The following CACNA2D2 variants were observed in gnomAD, a reference collection of about 807,000 sequenced individuals.
CACNA2D2 encodes voltage-dependent calcium channel subunit alpha-2/delta-2.
Under a neutral mutation model 166.4 loss-of-function variants are expected in CACNA2D2, and 48 were observed. The observed-to-expected ratio is 0.29, with a 90% CI of 0.23 to 0.37. The LOEUF (loss-of-function observed/expected upper bound fraction) is 0.37, where lower values mean the gene tolerates loss of function less well. CACNA2D2 is among the 10% of genes least tolerant of loss of function. The pLI is 1.00. For synonymous variants in CACNA2D2, 561 were observed against 573.7 expected, an observed-to-expected ratio of 0.98 and a Z score of 0.32; for missense variants, 1,122 against 1,433.0, an observed-to-expected ratio of 0.78 and a Z score of 3.50.
intron 2 of CACNA2D2, among the ~76,000 whole-genome samples, chr3:50,454,431 C>G (rs1193180851): frequency 1.3e-5 from 2 of 152,220 alleles, no homozygotes; most frequent in Admixed American, 6.5e-5. Flanking sequence ...CCAGCCACCC[C>G]CAACCTGGCC....
Position 50,379,691 on chromosome 3 carries a change from C to A in CACNA2D2, c.993+34G>T. ...CACAGGAGCAGGGCAGATGGGGTGA[C>A]CCATTTCACCCCGTCTGCCACCTTG... On this transcript the variant is annotated intron_variant, in intron 10 of 37. Coordinates refer to ENST00000424201, the MANE Select transcript of CACNA2D2 (RefSeq NM_006030.4). This position sits in a 1 kb window ranked among gnomAD's most constrained non-coding sequence, Gnocchi z 6.5. The A allele has an allele frequency of 6.2e-7, 1 of 1,608,888 alleles. No individual in the cohort carries two copies. Among genetic ancestry groups the A allele is most frequent in the Non-Finnish European group, 8.5e-7 (1 of 1,175,726 alleles).
intron 2 of CACNA2D2, among the ~76,000 whole-genome samples, chr3:50,438,559 C>G (rs1003768087): frequency 3.9e-5 from 6 of 152,176 alleles, no homozygotes; most frequent in Admixed American, 2.6e-4. Context: ...GGACAGGAAG[C>G]CTGCATGCTG....
intron 1 of CACNA2D2, among the ~76,000 whole-genome samples, chr3:50,479,685 G>C (rs1459675224): frequency 6.6e-6 from 1 of 151,480 alleles, no homozygotes; most frequent in Non-Finnish European, 1.5e-5. Flanking sequence ...AGAAGGGAGG[G>C]GGCCTTGGAA....
chr3:50,449,446 C>T (rs1380026335), intron 2 of CACNA2D2, among the ~76,000 whole-genome samples: 15 of 152,202 alleles, frequency 9.9e-5, no homozygotes, highest in Admixed American at 9.8e-4. Flanking sequence ...CCATAGCACT[C>T]CTTAGGCTCA....
chr3:50,399,834 C>T (rs1263483528), intron 3 of CACNA2D2, among the ~76,000 whole-genome samples: 1 of 152,174 alleles, frequency 6.6e-6, no homozygotes, highest in East Asian at 1.9e-4. Flanking sequence ...GTCCCTCCTG[C>T]CACCCCTTAG....
At position 50,379,308 on chromosome 3, in the gene CACNA2D2, A is replaced by T. The variant is rs587768695; in HGVS notation, c.1153-109T>A. 6 of 1,441,654 alleles carry T rather than the reference A, an allele frequency of 4.2e-6. No homozygotes were observed. In the East Asian group the frequency reaches 1.4e-4, roughly 34 times the overall value. 89.3% of individuals were successfully genotyped at this position (1,441,654 alleles called of 1,614,324 possible). A position where few individuals can be genotyped will look rare whatever the true frequency, so the allele number is the denominator to read the frequency against. The stretch of plus-strand genomic sequence containing the variant: ...CTCTGGCCCTCCTCCCCCACAGCAG[A>T]TGGAGCTATCTGTCCAAGCTGCCTG... On this transcript the variant is annotated intron_variant, in intron 11 of 37. Transcript: ENST00000424201. The surrounding 1 kb of genome is among the most constrained non-coding windows in gnomAD (Gnocchi z 6.5).
intron 2 of CACNA2D2, among the ~76,000 whole-genome samples, chr3:50,463,415 C>T: frequency 6.6e-6 from 1 of 152,194 alleles, no homozygotes. Flanking sequence ...CCTTCCACCT[C>T]AGCCTCCCCA....
chr3:50,396,385 C>T (rs963918864), intron 3 of CACNA2D2, among the ~76,000 whole-genome samples: 2 of 151,940 alleles, frequency 1.3e-5, no homozygotes, highest in Admixed American at 6.6e-5. Context: ...GTCATGACAC[C>T]GTCCCCTGTC....
At chr3:50,492,222 G>A (rs1698550171) in intron 1 of CACNA2D2, among the ~76,000 whole-genome samples, 1 of 152,278 alleles carries the variant, frequency 6.6e-6, no homozygotes, top group Non-Finnish European at 1.5e-5. Flanking sequence ...GGCCAGGTCA[G>A]CTGCGCTGTT....
chr3:50,503,797 C>G (rs1233426431), upstream of CACNA2D2, among the ~76,000 whole-genome samples: 1 of 151,582 alleles, frequency 6.6e-6, no homozygotes, highest in East Asian at 1.9e-4. Flanking sequence ...CTCGTCCCCG[C>G]GCAGCCCGAA....
intron 1 of CACNA2D2, among the ~76,000 whole-genome samples, chr3:50,481,981 C>T (rs865877392): frequency 7.9e-5 from 12 of 152,062 alleles, no homozygotes; most frequent in Non-Finnish European, 1.2e-4. Context: ...GGTGACAGAG[C>T]GAGACTGTCT....
At chr3:50,394,883 C>T (rs1316900254) in intron 3 of CACNA2D2, among the ~76,000 whole-genome samples, 1 of 152,220 alleles carries the variant, frequency 6.6e-6, no homozygotes, top group African/African-American at 2.4e-5. Flanking sequence ...ACAGGCACAA[C>T]CTCGCAGAAC....
chr3:50,407,232 T>C (rs1706759327), intron 3 of CACNA2D2, among the ~76,000 whole-genome samples: 1 of 151,954 alleles, frequency 6.6e-6, no homozygotes, highest in South Asian at 2.1e-4. Context: ...GTCAGGCCAC[T>C]GTACCATTAG....
intron 23 of CACNA2D2, among the ~76,000 whole-genome samples, chr3:50,368,574 G>A (rs769332811): frequency 2.0e-5 from 3 of 152,222 alleles, no homozygotes; most frequent in Middle Eastern, 3.2e-3. Context: ...GCTCATCCAC[G>A]TGTATGCCCT....
At chr3:50,411,201 G>A (rs2236963) in intron 3 of CACNA2D2, among the ~76,000 whole-genome samples, 23,395 of 152,140 alleles carry the variant, frequency 0.15, 2,507 homozygotes, top group East Asian at 0.41. Context: ...CTCCTCAAAT[G>A]TGCCCTCAAT....
intron 2 of CACNA2D2, among the ~76,000 whole-genome samples, chr3:50,443,090 G>A (rs1404889872): frequency 1.3e-5 from 2 of 152,336 alleles, no homozygotes; most frequent in Admixed American, 6.5e-5. Context: ...GCCGGCTGTC[G>A]AGGCAGCTGG....
intron 2 of CACNA2D2, among the ~76,000 whole-genome samples, chr3:50,460,153 GA>G (rs1283443885): frequency 6.6e-6 from 1 of 151,922 alleles, no homozygotes; most frequent in Non-Finnish European, 1.5e-5. Context: ...TAAAATTAAA[GA>G]AAAAAAGGAG....
chr3:50,369,648 T>G (rs1432919446), intron 23 of CACNA2D2, among the ~76,000 whole-genome samples: 1 of 152,236 alleles, frequency 6.6e-6, no homozygotes, highest in Non-Finnish European at 1.5e-5. Context: ...TGGAAGGGCT[T>G]CAGCACCCAG....
chr3:50,477,348 T>C (rs1697833218), intron 1 of CACNA2D2, among the ~76,000 whole-genome samples: 1 of 152,200 alleles, frequency 6.6e-6, no homozygotes, highest in African/African-American at 2.4e-5. Flanking sequence ...GTCAAGCGTG[T>C]TCGCTGCATG....
Sources: gnomAD v4.1 joint callset for allele counts (sites outside exome capture counted in the v4.1 genomes callset) on GRCh38, gnomAD v4.1.1 for gene constraint, Gnocchi (gnomAD v3.1) non-coding constraint, MANE v1.5 for transcripts, NCBI Gene and HGNC (gene_info 2026-07-23, HGNC 2026-07-21) for gene names.